Variants in DISP1 observed in about 807,000 individuals in gnomAD.
DISP1 encodes dispatched RND transporter family member 1.
A neutral mutation model predicts 37.3 loss-of-function variants in DISP1; 30 were observed. The ratio of observed to expected loss-of-function variants is 0.80; its 90% CI spans 0.60 to 1.09. The LOEUF is 1.09. Ranked by LOEUF, DISP1 falls within the 50% of genes least tolerant of loss-of-function variation. The pLI is 0.00. For missense variants in DISP1, 1,598 were observed against 1,879.5 expected (o/e 0.85, Z 2.77); for synonymous variants, 634 against 690.2 (o/e 0.92, Z 1.28).
At chr1:222,951,035 C>A (rs1028634934) in intron 3 of DISP1, among the ~76,000 whole-genome samples, 4 of 152,106 alleles carry the variant, frequency 2.6e-5, no homozygotes, top group African/African-American at 9.7e-5. Flanking sequence ...GGGTACCTGC[C>A]AAATGCATTT....
intron 4 of DISP1, among the ~76,000 whole-genome samples, chr1:222,984,634 A>G (rs531120420): frequency 2.0e-5 from 3 of 151,892 alleles, no homozygotes; most frequent in South Asian, 2.1e-4. Context: ...TTTGTTGTAT[A>G]TATAACATAT....
chr1:222,939,215 A>G (rs1368465979), intron 2 of DISP1, among the ~76,000 whole-genome samples: 1 of 152,202 alleles, frequency 6.6e-6, no homozygotes, highest in African/African-American at 2.4e-5. Flanking sequence ...TACCATGTGG[A>G]AAAAACATGT....
chr1:222,839,128 G>A (rs61839601), intron 1 of DISP1, among the ~76,000 whole-genome samples: 6 of 152,134 alleles, frequency 3.9e-5, no homozygotes, highest in Middle Eastern at 3.4e-3. Flanking sequence ...GGTTGTAGAC[G>A]GGTAACACTG....
chr1:222,857,525 G>C (rs550948863), intron 1 of DISP1, among the ~76,000 whole-genome samples: 1 of 152,296 alleles, frequency 6.6e-6, no homozygotes, highest in Admixed American at 6.5e-5. Flanking sequence ...CCTATATCTA[G>C]AAAACCCCAT....
At chr1:222,999,408 A>G (rs1179778675) in intron 8 of DISP1, among the ~76,000 whole-genome samples, 1 of 152,178 alleles carries the variant, frequency 6.6e-6, no homozygotes, top group African/African-American at 2.4e-5. Context: ...GTGTGAAGAC[A>G]TACCTGTTTT....
intron 3 of DISP1, among the ~76,000 whole-genome samples, chr1:222,972,726 T>C (rs1289490982): frequency 6.6e-6 from 1 of 152,192 alleles, no homozygotes; most frequent in African/African-American, 2.4e-5. Context: ...TGGTCCAATA[T>C]TATCTTCCTA....
At chr1:222,862,473 A>T (rs1668933304) in intron 1 of DISP1, among the ~76,000 whole-genome samples, 1 of 151,822 alleles carries the variant, frequency 6.6e-6, no homozygotes, top group Admixed American at 6.6e-5. Flanking sequence ...TTTAACATTG[A>T]TATAATATTT....
chr1:222,867,414 A>G (rs1166556462), intron 1 of DISP1, among the ~76,000 whole-genome samples: 3 of 152,134 alleles, frequency 2.0e-5, no homozygotes, highest in Non-Finnish European at 4.4e-5. Context: ...TTGTGGAGGT[A>G]CTTAAGTGGC....
intron 1 of DISP1, among the ~76,000 whole-genome samples, chr1:222,850,815 G>A (rs538401823): frequency 1.2e-4 from 18 of 152,050 alleles, no homozygotes; most frequent in African/African-American, 4.1e-4. Flanking sequence ...TACATTTACT[G>A]TGTACCACAT....
chr1:222,954,077 T>TC, intron 3 of DISP1, among the ~76,000 whole-genome samples: 1 of 151,848 alleles, frequency 6.6e-6, no homozygotes, highest in African/African-American at 2.4e-5. Context: ...TAGGTTTTTT[T>TC]CTTTTTGGTT....
intron 3 of DISP1, among the ~76,000 whole-genome samples, chr1:222,946,412 G>T (rs1367946647): frequency 3.3e-5 from 5 of 150,238 alleles, no homozygotes; most frequent in African/African-American, 4.9e-5. Flanking sequence ...AAGAATTTGA[G>T]CCTTTTGGTT....
At chr1:222,900,890 G>C (rs916288993) in intron 1 of DISP1, among the ~76,000 whole-genome samples, 1 of 152,072 alleles carries the variant, frequency 6.6e-6, no homozygotes, top group Non-Finnish European at 1.5e-5. Flanking sequence ...GACTGAGAAA[G>C]GTATTTTACT....
intron 1 of DISP1, among the ~76,000 whole-genome samples, chr1:222,851,406 T>C (rs1167723289): frequency 6.6e-6 from 1 of 152,148 alleles, no homozygotes; most frequent in Non-Finnish European, 1.5e-5. Flanking sequence ...TAGTTCTTTA[T>C]AGGGTTTCAG....
At chr1:222,979,709 C>G (rs1300512587) in intron 3 of DISP1, 1 of 469,542 alleles carries the variant, frequency 2.1e-6, no homozygotes, top group East Asian at 7.0e-5. Context: ...GCTGCTAAGC[C>G]CTCACCAGCT....
intron 7 of DISP1, among the ~76,000 whole-genome samples, chr1:222,992,422 G>A (rs1049966509): frequency 1.3e-5 from 2 of 152,026 alleles, no homozygotes; most frequent in Non-Finnish European, 2.9e-5. Flanking sequence ...AAAATTCCTT[G>A]TACTATTTAT....
At chr1:222,976,448 G>C (rs1461739760) in intron 3 of DISP1, among the ~76,000 whole-genome samples, 1 of 152,062 alleles carries the variant, frequency 6.6e-6, no homozygotes, top group African/African-American at 2.4e-5. Flanking sequence ...TGTTTTACCT[G>C]TAGTGTGGTT....
intron 1 of DISP1, among the ~76,000 whole-genome samples, chr1:222,865,042 T>G (rs1259049449): frequency 1.3e-5 from 2 of 150,390 alleles, no homozygotes; most frequent in Non-Finnish European, 3.0e-5. Flanking sequence ...TTTTGTTTTG[T>G]TTTTTTTTCC....
intron 3 of DISP1, among the ~76,000 whole-genome samples, chr1:222,979,172 C>T (rs1216695944): frequency 6.6e-6 from 1 of 152,098 alleles, no homozygotes; most frequent in Non-Finnish European, 1.5e-5. Flanking sequence ...ACTTTGGGAG[C>T]CTGGGCGAGA....
chr1:222,989,651 C>T (rs1314140112), intron 4 of DISP1: 1 of 745,034 alleles, frequency 1.3e-6, no homozygotes, highest in Admixed American at 6.3e-5. Context: ...AGAGTACAAG[C>T]ATCAGATGTT....
Sources: allele counts gnomAD v4.1 joint callset (sites outside exome capture counted in the v4.1 genomes callset), GRCh38; gene constraint gnomAD v4.1.1; transcripts MANE v1.5; gene names NCBI Gene and HGNC (gene_info 2026-07-23, HGNC 2026-07-21).